The following NARF variants were observed in gnomAD, a reference collection of about 807,000 sequenced individuals.
The protein encoded by NARF is iron-only hydrogenase-like protein 2.
In NARF, 41 loss-of-function variants were observed where a neutral mutation model predicts 48.0. That is an observed-to-expected ratio of 0.85 (90% CI 0.66 to 1.11). The LOEUF is 1.11. Among genes scored for constraint, NARF ranks in the 50% least tolerant of loss-of-function variants. The probability of loss-of-function intolerance (pLI) is 0.00; values close to 1 mark genes in which losing one functional copy is unlikely to be tolerated. For missense variants in NARF, 613 were observed against 590.2 expected (o/e 1.04, Z -0.40); for synonymous variants, 215 against 225.5 (o/e 0.95, Z 0.42).
intron 10 of NARF, among the ~76,000 whole-genome samples, chr17:82,487,311 C>T (rs961448438): frequency 6.6e-6 from 1 of 151,982 alleles, no homozygotes; most frequent in Non-Finnish European, 1.5e-5. Flanking sequence ...TGGTAAAACC[C>T]TGTCTCTACT....
At chr17:82,473,364 G>T (rs1189020090) in intron 5 of NARF, among the ~76,000 whole-genome samples, 1 of 146,398 alleles carries the variant, frequency 6.8e-6, no homozygotes, top group Non-Finnish European at 1.5e-5. Flanking sequence ...GTGTGATCTC[G>T]GCTCATTGCA....
intron 3 of NARF, among the ~76,000 whole-genome samples, chr17:82,464,738 C>T (rs761063395): frequency 2.0e-5 from 3 of 152,192 alleles, no homozygotes; most frequent in East Asian, 1.9e-4. Context: ...GGTGATCATG[C>T]GGGCAGCACA....
Position 82,488,071 on chromosome 17 carries a change from A to C in NARF, c.1285A>C (p.Ile429Leu), listed in dbSNP as rs199789113. ...GCTGTACCAGGAGTGGCTGGAGGGGATCAACTCCCCCAAGGCCCGAGAGGT... is the reference window on the plus strand; with the variant it reads ...GCTGTACCAGGAGTGGCTGGAGGGGCTCAACTCCCCCAAGGCCCGAGAGGT... The part of the protein sequence containing the change: ...QELYQEWLEG[I>L]NSPKAREVLH... Residue 429 changes from isoleucine (I) to leucine (L), a missense_variant, in exon 11 of 11, where the codon ATC (isoleucine) becomes CTC (leucine). Coordinates refer to ENST00000309794, the MANE Select transcript of NARF (RefSeq NM_012336.4). 4 of 1,611,560 alleles carry C rather than the reference A, an allele frequency of 2.5e-6. No individual in the cohort carries two copies. The South Asian group carries it at 4.4e-5, about 18-fold the overall frequency.
At chr17:82,480,674 T>C in intron 6 of NARF, 1 of 436,458 alleles carries the variant, frequency 2.3e-6, no homozygotes, top group South Asian at 7.0e-5. Flanking sequence ...GGCTCACGCC[T>C]GTAATTCTAG....
intron 7 of NARF, chr17:82,482,486 TA>T (rs2043994235): frequency 7.1e-6 from 1 of 140,458 alleles, no homozygotes; most frequent in African/African-American, 4.4e-5. Flanking sequence ...TGCAGATTTA[TA>T]GGAAATTACG....
At chr17:82,461,674 G>A (rs1325472177) in intron 2 of NARF, among the ~76,000 whole-genome samples, 1 of 152,216 alleles carries the variant, frequency 6.6e-6, no homozygotes. Context: ...TTACATGTAA[G>A]CCTGGCCATT....
intron 5 of NARF, among the ~76,000 whole-genome samples, chr17:82,475,451 T>C (rs1040551000): frequency 1.3e-5 from 2 of 152,044 alleles, no homozygotes; most frequent in Non-Finnish European, 2.9e-5. Flanking sequence ...ATACAAAAAA[T>C]TAGCCAGGTG....
chr17:82,460,100 G>C, intron 2 of NARF, 28 bp downstream of exon 2: 2 of 1,590,174 alleles, frequency 1.3e-6, no homozygotes, highest in Non-Finnish European at 1.7e-6. Context: ...TTTTGTATCA[G>C]CCCAGAGTAA....
Position 82,468,634 on chromosome 17 carries a change from G to A in NARF, c.253-130G>A, listed in dbSNP as rs1052366824. Reference sequence around the variant, plus strand: ...TCCTTTTTCTTAATTATGTTTGCCAGTGTTTGTCTATTTTATTAGTCTTTG... The same window carrying A: ...TCCTTTTTCTTAATTATGTTTGCCAATGTTTGTCTATTTTATTAGTCTTTG... On this transcript the variant is annotated intron_variant, in intron 3 of 10. Coordinates refer to ENST00000309794, the MANE Select transcript of NARF (RefSeq NM_012336.4). 8.4e-6 allele frequency: 7 copies of A among 835,440 alleles called. No homozygotes were observed. In the African/African-American group the frequency reaches 1.2e-4, roughly 15 times the overall value. 51.8% of individuals were successfully genotyped at this position (835,440 alleles called of 1,614,324 possible).
At chr17:82,478,511 C>G in intron 5 of NARF, 1 of 498,146 alleles carries the variant, frequency 2.0e-6, no homozygotes, top group Non-Finnish European at 3.9e-6. Context: ...AGTGCTTGTT[C>G]CCCTTCACCT....
At position 82,485,638 on chromosome 17, in the gene NARF, C is replaced by A. The variant is rs2143965261; in HGVS notation, c.1113C>A (p.Val371=). 1.2e-6 allele frequency: 2 copies of A among 1,614,100 alleles called. No individual in the cohort carries two copies. The highest frequency in any genetic ancestry group is 2.2e-5 in the South Asian group (2 of 91,084). The change falls in exon 10 of 11, where the codon GTC becomes GTA. Residue 371 remains valine, a synonymous_variant. Transcript: ENST00000309794. ...AGTTCCCATTCCACTTTGTGGAGGT[C>A]CTCGCCTGTGCTGGAGGTGAGGCGC... ...KGKFPFHFVE[V]LACAGGCLNG...
At chr17:82,480,965 T>C in intron 6 of NARF, 117 bp from the exon 7 acceptor site, 6 of 1,159,146 alleles carry the variant, frequency 5.2e-6, no homozygotes, top group Non-Finnish European at 7.4e-6. Flanking sequence ...CAGCATGCAG[T>C]GTCTGGAGGG....
intron 5 of NARF, chr17:82,476,642 C>T (rs1242796626): frequency 1.3e-5 from 2 of 152,128 alleles, no homozygotes; most frequent in East Asian, 3.8e-4. Flanking sequence ...CACGGTTTCA[C>T]TTTGTTGGTC....
chr17:82,483,710 C>T lies in NARF; in HGVS notation c.770-6C>T, dbSNP rs926498269. 2.5e-6 allele frequency: 4 copies of T among 1,613,782 alleles called. No individual in the cohort carries two copies. The highest frequency in any genetic ancestry group is 3.4e-6 in the Non-Finnish European group (4 of 1,179,896). Reference sequence around the variant, plus strand: ...CTTTTCAGTGTCTTACTTCGTTTGTCTGCAGGTGAAATTGCTCAAATAATG... The same window carrying T: ...CTTTTCAGTGTCTTACTTCGTTTGTTTGCAGGTGAAATTGCTCAAATAATG... On this transcript the variant is annotated splice_region_variant and splice_polypyrimidine_tract_variant and intron_variant, in intron 7 of 10. Transcript: ENST00000309794.
chr17:82,469,522 A>G (rs1224035549), intron 4 of NARF, among the ~76,000 whole-genome samples: 1 of 152,176 alleles, frequency 6.6e-6, no homozygotes, highest in African/African-American at 2.4e-5. Context: ...GAGCATCCTC[A>G]TAGCATGATG....
intron 4 of NARF, among the ~76,000 whole-genome samples, chr17:82,471,558 C>T (rs569041137): frequency 2.1e-4 from 32 of 149,862 alleles, no homozygotes; most frequent in Admixed American, 6.7e-4. Flanking sequence ...TTTGGGAGGC[C>T]GAGGCGGGCG....
chr17:82,480,314 C>T (rs1171189584), intron 6 of NARF: 4 of 400,600 alleles, frequency 1.0e-5, no homozygotes, highest in African/African-American at 2.1e-5. Context: ...CACACACACT[C>T]ACTCAGGCCT....
chr17:82,484,675 A>C, intron 8 of NARF, 138 bp from the exon 9 acceptor site: 4 of 1,061,158 alleles, frequency 3.8e-6, no homozygotes, highest in Non-Finnish European at 5.2e-6. Context: ...ACTTTCTGCA[A>C]AGTTTAAACA....
intron 2 of NARF, chr17:82,463,187 G>A (rs993759519): frequency 1.3e-5 from 2 of 152,120 alleles, no homozygotes; most frequent in South Asian, 2.1e-4. Flanking sequence ...AAAGAAAAAC[G>A]AATGCATGGA....
Sources: allele counts gnomAD v4.1 joint callset (sites outside exome capture counted in the v4.1 genomes callset), GRCh38; gene constraint gnomAD v4.1.1; transcripts MANE v1.5; gene names NCBI Gene and HGNC (gene_info 2026-07-23, HGNC 2026-07-21).